Variants in EYS observed in about 807,000 individuals in gnomAD.
EYS encodes the protein EGF-like photoreceptor maintenance factor, also known as protein eyes shut homolog.
Under a neutral mutation model 282.1 loss-of-function variants are expected in EYS, and 250 were observed. The ratio of observed to expected loss-of-function variants is 0.89; its 90% CI spans 0.80 to 0.98. EYS has a LOEUF of 0.98. Ranked by LOEUF, EYS falls within the 50% of genes least tolerant of loss-of-function variation. The pLI, the probability that EYS is intolerant of heterozygous loss-of-function variation, is 0.00. For missense variants in EYS, 4,016 were observed against 3,709.0 expected, an observed-to-expected ratio of 1.08 and a Z score of -2.15; for synonymous variants, 1,355 against 1,282.9, an observed-to-expected ratio of 1.06 and a Z score of -1.20.
chr6:63,967,879 G>C (rs1354978485), intron 35 of EYS, among the ~76,000 whole-genome samples: 1 of 152,080 alleles, frequency 6.6e-6, no homozygotes, highest in Non-Finnish European at 1.5e-5. Context: ...AGTAATCCTA[G>C]CTCGTATTGG....
chr6:64,449,036 C>T (rs187906569), intron 26 of EYS, among the ~76,000 whole-genome samples: 1 of 152,168 alleles, frequency 6.6e-6, no homozygotes, highest in Non-Finnish European at 1.5e-5. Flanking sequence ...GAGAGGAAGG[C>T]TTCAGAAGAT....
At chr6:64,475,716 CCT>C (rs1244453465) in intron 26 of EYS, among the ~76,000 whole-genome samples, 1 of 135,678 alleles carries the variant, frequency 7.4e-6, no homozygotes, top group Non-Finnish European at 1.6e-5. Context: ...GCCTTAACTT[CCT>C]CTTTTTTAAA....
chr6:64,958,053 A>G (rs1448502201), intron 14 of EYS, among the ~76,000 whole-genome samples: 1 of 152,070 alleles, frequency 6.6e-6, no homozygotes, highest in Admixed American at 6.5e-5. Flanking sequence ...TTTTCTGTAA[A>G]ATGGTTTTAA....
intron 12 of EYS, among the ~76,000 whole-genome samples, chr6:65,275,362 C>A (rs1768018424): frequency 6.6e-6 from 1 of 152,104 alleles, no homozygotes; most frequent in Non-Finnish European, 1.5e-5. Flanking sequence ...ATTAACCCAC[C>A]AAGTCACAAC....
intron 41 of EYS, among the ~76,000 whole-genome samples, chr6:63,747,069 T>C (rs894259509): frequency 6.6e-6 from 1 of 152,248 alleles, no homozygotes; most frequent in Non-Finnish European, 1.5e-5. Context: ...TGTGGGCATT[T>C]AGTGCTATAA....
chr6:65,160,028 A>G (rs1764816181), intron 12 of EYS, among the ~76,000 whole-genome samples: 1 of 151,070 alleles, frequency 6.6e-6, no homozygotes, highest in South Asian at 2.1e-4. Context: ...ACCACTGTTA[A>G]TATTTCTGCC....
intron 29 of EYS, among the ~76,000 whole-genome samples, chr6:64,328,742 A>G (rs1473189458): frequency 6.6e-6 from 1 of 152,198 alleles, no homozygotes; most frequent in African/African-American, 2.4e-5. Flanking sequence ...GAGCTAAGGA[A>G]AAGGCAGACT....
At chr6:65,421,746 G>T (rs1184229696) in intron 5 of EYS, among the ~76,000 whole-genome samples, 2 of 151,742 alleles carry the variant, frequency 1.3e-5, no homozygotes, top group Non-Finnish European at 2.9e-5. Flanking sequence ...CTATTAATTG[G>T]TCTAATTTCA....
At chr6:64,811,539 T>G (rs1392947335) in intron 22 of EYS, among the ~76,000 whole-genome samples, 5 of 152,130 alleles carry the variant, frequency 3.3e-5, no homozygotes, top group African/African-American at 9.7e-5. Context: ...GGAACCTTAG[T>G]GCAGCAATGT....
At chr6:64,686,787 ATG>A (rs1257240367) in intron 22 of EYS, among the ~76,000 whole-genome samples, 1,050 of 12,950 alleles carry the variant, frequency 0.081, 222 homozygotes, top group East Asian at 0.42. Context: ...ATATATATAT[ATG>A]TGTGTATATA....
intron 36 of EYS, among the ~76,000 whole-genome samples, chr6:63,835,132 C>T (rs1230974673): frequency 2.6e-5 from 4 of 151,362 alleles, no homozygotes; most frequent in African/African-American, 7.3e-5. Context: ...ACTACACCAA[C>T]ATGGCATATG....
chr6:65,134,759 G>A (rs982892183), intron 12 of EYS, among the ~76,000 whole-genome samples: 3 of 151,894 alleles, frequency 2.0e-5, no homozygotes, highest in African/African-American at 7.3e-5. Context: ...TAAAAAGAGA[G>A]GGAAAGATCA....
chr6:64,593,386 G>T (rs1766472740), intron 24 of EYS, 77 bp from the exon 25 acceptor site: 1 of 1,162,596 alleles, frequency 8.6e-7, no homozygotes, highest in African/African-American at 1.6e-5. Flanking sequence ...TTTGTTTTGA[G>T]ATCCATTTGC....
intron 26 of EYS, among the ~76,000 whole-genome samples, chr6:64,509,550 T>C (rs1321365186): frequency 1.3e-5 from 2 of 152,204 alleles, no homozygotes; most frequent in Non-Finnish European, 2.9e-5. Context: ...GGAAAATGTA[T>C]AGACTGCCGT....
chr6:65,559,339 G>A (rs577798935), intron 2 of EYS, among the ~76,000 whole-genome samples: 46 of 152,174 alleles, frequency 3.0e-4, no homozygotes, highest in African/African-American at 1.0e-3. Flanking sequence ...CTGAGATCAC[G>A]TCACTGCACT....
chr6:64,461,590 A>C (rs1218147927), intron 26 of EYS, among the ~76,000 whole-genome samples: 2 of 152,146 alleles, frequency 1.3e-5, no homozygotes, highest in East Asian at 3.9e-4. Flanking sequence ...TTTAAAAAAT[A>C]TTTTGCCTTA....
intron 22 of EYS, among the ~76,000 whole-genome samples, chr6:64,786,855 C>T (rs569311444): frequency 7.2e-5 from 11 of 152,278 alleles, no homozygotes; most frequent in African/African-American, 2.6e-4. Context: ...GTGATAAATC[C>T]TGGGGCTGGC....
chr6:64,945,799 C>T lies in EYS; in HGVS notation c.2375G>A (p.Ser792Asn). The change falls in exon 15 of 43, where the codon AGC (serine) becomes AAC (asparagine). Residue 792 changes from serine to asparagine, a missense_variant. Ser to Asn is a conservative substitution (Grantham distance 46). Transcript: ENST00000503581. ...NNSTCTDLYK[S>N]YRCECTSGWT... ...CTAAAAATATGTTACTCACCGATAGCTTTTGTAAAGGTCAGTACAGGTGGA... is the reference window on the plus strand; with the variant it reads ...CTAAAAATATGTTACTCACCGATAGTTTTTGTAAAGGTCAGTACAGGTGGA... 1 of 1,549,156 alleles carries T rather than the reference C, an allele frequency of 6.5e-7. No homozygotes were observed. Among genetic ancestry groups the T allele is most frequent in the Non-Finnish European group, 8.7e-7 (1 of 1,145,476 alleles).
chr6:64,453,915 A>T (rs1310716634), intron 26 of EYS, among the ~76,000 whole-genome samples: 1 of 152,098 alleles, frequency 6.6e-6, no homozygotes, highest in African/African-American at 2.4e-5. Context: ...CTAAATGACG[A>T]GTTAATGTGT....
Sources: allele counts gnomAD v4.1 joint callset (sites outside exome capture counted in the v4.1 genomes callset), GRCh38; gene constraint gnomAD v4.1.1; transcripts MANE v1.5; gene names NCBI Gene and HGNC (gene_info 2026-07-23, HGNC 2026-07-21).